The following PTGFR variants were observed in gnomAD, a reference collection of about 807,000 sequenced individuals.
PTGFR encodes prostaglandin F receptor, also known as prostaglandin F2-alpha receptor.
PTGFR carries 15 observed loss-of-function variants against 26.2 expected under a neutral mutation model. The ratio of observed to expected loss-of-function variants is 0.57; its 90% CI spans 0.38 to 0.88. PTGFR has a LOEUF of 0.88. Among genes scored for constraint, PTGFR ranks in the 40% least tolerant of loss-of-function variants. PTGFR has a pLI of 0.00. For synonymous variants in PTGFR, 165 were observed against 151.1 expected, an observed-to-expected ratio of 1.09 and a Z score of -0.68; for missense variants, 369 against 427.2, an observed-to-expected ratio of 0.86 and a Z score of 1.20.
At position 78,537,039 on chromosome 1, in the gene PTGFR, A is replaced by G. The variant is rs576358513; in HGVS notation, c.*352A>G. 47 of 205,582 alleles carry G rather than the reference A, an allele frequency of 2.3e-4. No individual in the cohort carries two copies. The highest frequency in any genetic ancestry group is 3.6e-4 in the Non-Finnish European group (37 of 103,316). 12.7% of individuals were successfully genotyped at this position (205,582 alleles called of 1,614,324 possible). A position where few individuals can be genotyped will look rare whatever the true frequency, so the allele number is the denominator to read the frequency against. On this transcript the variant is annotated 3_prime_UTR_variant, in exon 3 of 3. Coordinates refer to ENST00000370757, the MANE Select transcript of PTGFR (RefSeq NM_000959.4). Reference sequence around the variant, plus strand: ...CAGAGAACATCTTAATGCAGCCTGCATAGTGAAATGGTTATTTTGAGATCA... The same window carrying G: ...CAGAGAACATCTTAATGCAGCCTGCGTAGTGAAATGGTTATTTTGAGATCA...
intron 2 of PTGFR, among the ~76,000 whole-genome samples, chr1:78,494,841 T>TA (rs1649506319): frequency 6.6e-6 from 1 of 152,152 alleles, no homozygotes; most frequent in Admixed American, 6.5e-5. Flanking sequence ...CCTGACCTCG[T>TA]AATCCTTCCG....
chr1:78,493,661 A>G (rs1447340762), intron 2 of PTGFR, 120 bp downstream of exon 2: 1 of 984,184 alleles, frequency 1.0e-6, no homozygotes, highest in Admixed American at 3.3e-5. Context: ...TTATTTCAGC[A>G]CTCAGCTCTG....
intron 2 of PTGFR, among the ~76,000 whole-genome samples, chr1:78,507,788 T>C (rs2100365688): frequency 6.6e-6 from 1 of 152,304 alleles, no homozygotes. Context: ...ATTGCTGAAG[T>C]ATGAAATTAG....
Position 78,532,366 on chromosome 1 carries a change from A to T in PTGFR, c.799-4040A>T, listed in dbSNP as rs1391951509. The T allele has an allele frequency of 1.5e-4, 13 of 87,150 alleles. No individual in the cohort carries two copies. In the East Asian group the frequency reaches 2.7e-3, roughly 18 times the overall value. The allele number at this position is 87,150 out of a possible 1,614,324, so 5.4% of individuals were successfully genotyped here. ...TTTATGCCGTCAAGTAAATTCATTTATATATATATATATATATATATATAT... is the reference window on the plus strand; with the variant it reads ...TTTATGCCGTCAAGTAAATTCATTTTTATATATATATATATATATATATAT... On this transcript the variant is annotated intron_variant, in intron 2 of 2. Transcript: ENST00000370757.
chr1:78,517,886 T>A (rs1304813761), intron 2 of PTGFR, among the ~76,000 whole-genome samples: 1 of 152,078 alleles, frequency 6.6e-6, no homozygotes, highest in Non-Finnish European at 1.5e-5. Flanking sequence ...ATTTCGGAAA[T>A]TTTTTTTGTT....
chr1:78,497,944 G>A (rs1391976523), intron 2 of PTGFR: 2 of 1,581,390 alleles, frequency 1.3e-6, no homozygotes, highest in Non-Finnish European at 8.7e-7. Flanking sequence ...TTCTTACATA[G>A]GTGAGTTTAC....
intron 2 of PTGFR, among the ~76,000 whole-genome samples, chr1:78,506,837 C>T (rs956744695): frequency 6.6e-5 from 10 of 152,010 alleles, no homozygotes; most frequent in Non-Finnish European, 1.2e-4. Context: ...GTCACAGTTT[C>T]CTGTTTCTTT....
rs186613332 is a variant in PTGFR at position 78,531,303 on chromosome 1, G to A, written c.799-5103G>A. On this transcript the variant is annotated intron_variant, in intron 2 of 2. Coordinates refer to ENST00000370757, the MANE Select transcript of PTGFR (RefSeq NM_000959.4). ...AGAGCAAGTCCTCTAAGACAGAGACGTCTCTGTTGTAGCACCTTGAATCCC... is the reference window on the plus strand; with the variant it reads ...AGAGCAAGTCCTCTAAGACAGAGACATCTCTGTTGTAGCACCTTGAATCCC... 1.6e-3 allele frequency among the ~76,000 whole-genome samples: 237 copies of A among 152,212 alleles called. 4 individuals carry two copies. Among genetic ancestry groups the A allele is most frequent in the African/African-American group, 5.2e-3 (214 of 41,538 alleles).
At chr1:78,491,307 C>G (rs1246950637) in intron 1 of PTGFR, 71 bp downstream of exon 1, 1 of 152,548 alleles carries the variant, frequency 6.6e-6, no homozygotes, top group Non-Finnish European at 1.5e-5. Context: ...AATCAACTCA[C>G]CCCCTGAGAC....
intron 2 of PTGFR, among the ~76,000 whole-genome samples, chr1:78,530,757 C>A (rs1002728874): frequency 5.3e-5 from 8 of 152,220 alleles, no homozygotes; most frequent in African/African-American, 1.9e-4. Flanking sequence ...ATTTTTTAAT[C>A]ATCTTATTCA....
chr1:78,515,467 C>T lies in PTGFR; in HGVS notation c.799-20939C>T, dbSNP rs563708428. Among the ~76,000 whole-genome samples, 4 of 152,276 alleles carry T rather than the reference C, an allele frequency of 2.6e-5. No homozygotes were observed. In the East Asian group the frequency reaches 5.8e-4, roughly 22 times the overall value. On this transcript the variant is annotated intron_variant, in intron 2 of 2. Transcript: ENST00000370757. ...AGTCCAATATTTTGTAAATGAAATG[C>T]CAAAATTACATGGCTTCACGTGAAG...
intron 2 of PTGFR, among the ~76,000 whole-genome samples, chr1:78,523,891 T>C (rs1338806313): frequency 6.6e-6 from 1 of 152,092 alleles, no homozygotes; most frequent in Admixed American, 6.6e-5. Flanking sequence ...TGTTGAATGA[T>C]ACACTCCTAA....
intron 2 of PTGFR, chr1:78,532,416 A>ATG (rs1288776087): frequency 8.5e-6 from 1 of 117,966 alleles, no homozygotes; most frequent in African/African-American, 4.0e-5. Context: ...GTGTATATAT[A>ATG]TGTGTGTATA....
intron 2 of PTGFR, among the ~76,000 whole-genome samples, chr1:78,521,698 T>G (rs1650246562): frequency 1.3e-5 from 2 of 152,124 alleles, no homozygotes; most frequent in Admixed American, 6.6e-5. Flanking sequence ...TTTTTGTTTC[T>G]TATAGCATTG....
intron 2 of PTGFR, among the ~76,000 whole-genome samples, chr1:78,517,202 G>A (rs1342677410): frequency 6.6e-6 from 1 of 152,086 alleles, no homozygotes; most frequent in African/African-American, 2.4e-5. Flanking sequence ...AATGAGTTTA[G>A]AAATACTCAT....
chr1:78,514,957 C>A (rs906498724), intron 2 of PTGFR, among the ~76,000 whole-genome samples: 10 of 152,094 alleles, frequency 6.6e-5, no homozygotes, highest in African/African-American at 2.4e-4. Flanking sequence ...CTTTACCAGA[C>A]ACAGATGCCA....
intron 2 of PTGFR, among the ~76,000 whole-genome samples, chr1:78,494,031 A>G (rs1329833179): frequency 6.6e-6 from 1 of 152,258 alleles, no homozygotes; most frequent in Non-Finnish European, 1.5e-5. Context: ...TACTGCATGG[A>G]TAGTTCAAGT....
At chr1:78,508,832 C>G (rs1225145203) in intron 2 of PTGFR, among the ~76,000 whole-genome samples, 1 of 152,010 alleles carries the variant, frequency 6.6e-6, no homozygotes, top group Non-Finnish European at 1.5e-5. Flanking sequence ...GAAAATTAAT[C>G]TAGTATATAA....
Position 78,536,571 on chromosome 1 carries a change from T to C in PTGFR, c.964T>C (p.Cys322Arg), listed in dbSNP as rs1203604260. The change falls in exon 3 of 3, where the codon TGC (cysteine) becomes CGC (arginine). Residue 322 changes from cysteine (C) to arginine (R), a missense_variant. By Grantham distance (180) the Cys-to-Arg change is radical. Transcript: ENST00000370757. ...GAATCTCTATAAGCTTGCCAGTCAA[T>C]GCTGTGGAGTGCATGTCATCAGCTT... ...LKNLYKLASQ[C>R]CGVHVISLHI... is the part of the protein sequence containing the mutation. 1 of 1,613,426 alleles carries C rather than the reference T, an allele frequency of 6.2e-7. No homozygotes were observed. Among genetic ancestry groups the C allele is most frequent in the Non-Finnish European group, 8.5e-7 (1 of 1,179,534 alleles).
Sources: allele counts gnomAD v4.1 joint callset (sites outside exome capture counted in the v4.1 genomes callset), GRCh38; gene constraint gnomAD v4.1.1; transcripts MANE v1.5; gene names NCBI Gene and HGNC (gene_info 2026-07-23, HGNC 2026-07-21).